Variants in BICDL1 observed in about 807,000 individuals in gnomAD.
The protein encoded by BICDL1 is BICD family-like cargo adapter 1.
A neutral mutation model predicts 76.8 loss-of-function variants in BICDL1; 20 were observed. The observed-to-expected ratio is 0.26, with a 90% CI of 0.18 to 0.38. The LOEUF is 0.38. Among genes scored for constraint, BICDL1 ranks in the 10% least tolerant of loss-of-function variants. The pLI is 1.00. For synonymous variants in BICDL1, 383 were observed against 337.1 expected, an observed-to-expected ratio of 1.14 and a Z score of -1.49; for missense variants, 700 against 798.6, an observed-to-expected ratio of 0.88 and a Z score of 1.49.
chr12:120,071,680 T>C lies in BICDL1; in HGVS notation c.968T>C (p.Val323Ala). 1 of 1,612,420 alleles carries C rather than the reference T, an allele frequency of 6.2e-7. No individual in the cohort carries two copies. The change falls in exon 5 of 10, where the codon GTG (valine) becomes GCG (alanine). Residue 323 changes from valine to alanine, a missense_variant. Val to Ala is a moderately conservative substitution (Grantham distance 64). This residue lies in a region of BICDL1 where 455 missense variants were observed against 548.7 expected (regional missense o/e 0.83). Coordinates refer to ENST00000548673, the MANE Select transcript of BICDL1 (RefSeq NM_001367886.1). This position sits in a 1 kb window ranked among gnomAD's most constrained non-coding sequence, Gnocchi z 4.8. ...EVRLSCRQLQ[V>A]KVEELTEERS... ...CGTCTCTCCTGCCGACAGCTGCAGG[T>C]GAAGGTGGAAGAACTCACTGAGGAG...
Position 119,989,771 on chromosome 12 carries a change from AGG to A in BICDL1, c.-97_-96del. 1 of 432,438 alleles carries A rather than the reference AGG, an allele frequency of 2.3e-6. No homozygotes were observed. Among genetic ancestry groups the A allele is most frequent in the Non-Finnish European group, 3.0e-6 (1 of 330,858 alleles). The allele number at this position is 432,438 out of a possible 1,614,324, so 26.8% of individuals were successfully genotyped here. On this transcript the variant is annotated 5_prime_UTR_variant, in exon 1 of 10. Coordinates refer to ENST00000548673, the MANE Select transcript of BICDL1 (RefSeq NM_001367886.1). ...GGGGCGCGTGCCGCGGCGCGAGGCGAGGCGCGGGACGCGGGGCGGCGCGGCAG... is the reference window on the plus strand; with the variant it reads ...GGGGCGCGTGCCGCGGCGCGAGGCGACGCGGGACGCGGGGCGGCGCGGCAG...
intron 2 of BICDL1, among the ~76,000 whole-genome samples, chr12:120,048,724 T>A (rs1458526594): frequency 6.6e-6 from 1 of 152,220 alleles, no homozygotes; most frequent in African/African-American, 2.4e-5. Flanking sequence ...TCTGACATCC[T>A]TGAAATCTAA....
Position 120,090,837 on chromosome 12 carries a change from C to T in BICDL1, c.1704+766C>T. On this transcript the variant is annotated intron_variant, in intron 9 of 9. Transcript: ENST00000548673. ...ACCGCAGGGTGCCCGTCCCTGGCTC[C>T]TTGGCTCCTGCATGGCAGCCAGCTG... 22 of 1,267,530 alleles carry T rather than the reference C, an allele frequency of 1.7e-5. No individual in the cohort carries two copies. In the South Asian group the frequency reaches 2.7e-4, roughly 16 times the overall value. The allele number at this position is 1,267,530 out of a possible 1,614,324, so 78.5% of individuals were successfully genotyped here.
intron 2 of BICDL1, among the ~76,000 whole-genome samples, chr12:120,057,909 C>T (rs866228232): frequency 1.8e-4 from 27 of 147,072 alleles, no homozygotes; most frequent in African/African-American, 6.6e-4. Context: ...CGGCACGCTG[C>T]AAGCTCCGCC....
At position 119,990,080 on chromosome 12, in the gene BICDL1, A is replaced by G; in HGVS notation, c.212A>G (p.Asp71Gly). ...ALLAAGERPS[D>G]PGEHPQAEPG... ...CTGGCGGCCGGGGAGCGGCCGTCCG[A>G]CCCCGGGGAACACCCTCAGGCCGAG... Residue 71 changes from aspartate to glycine, a missense_variant, in exon 1 of 10, where the codon GAC becomes GGC. This residue lies in a region of BICDL1 where 225 missense variants were observed against 199.6 expected (regional missense o/e 1.13). Transcript: ENST00000548673. The G allele has an allele frequency of 6.5e-7, 1 of 1,538,614 alleles. No individual in the cohort carries two copies. The highest frequency in any genetic ancestry group is 8.7e-7 in the Non-Finnish European group (1 of 1,143,392).
At chr12:119,994,785 G>GC (rs1313480336) in intron 1 of BICDL1, among the ~76,000 whole-genome samples, 4 of 152,198 alleles carry the variant, frequency 2.6e-5, no homozygotes, top group Admixed American at 2.6e-4. Context: ...ACTGCGCCCA[G>GC]CCATAGACTC....
At position 120,088,915 on chromosome 12, in the gene BICDL1, T is replaced by C. The variant is rs542934483; in HGVS notation, c.1584-1036T>C. ...TCCTGACCTCGTGATCCGCCCGCCT[T>C]GGCCTCCCAAAGTGCTGGAATTACA... On this transcript the variant is annotated intron_variant, in intron 8 of 9. Transcript: ENST00000548673. 1.0e-3 allele frequency among the ~76,000 whole-genome samples: 156 copies of C among 152,238 alleles called. 1 individual carries two copies. The highest frequency in any genetic ancestry group is 1.8e-3 in the Non-Finnish European group (121 of 68,006).
intron 8 of BICDL1, among the ~76,000 whole-genome samples, chr12:120,087,147 A>G (rs946386399): frequency 1.3e-5 from 2 of 152,256 alleles, no homozygotes; most frequent in Non-Finnish European, 2.9e-5. Flanking sequence ...AGGGGTGTCC[A>G]TGGCAACCGA....
intron 3 of BICDL1, 144 bp downstream of exon 3, chr12:120,061,970 T>C (rs1953115273): frequency 4.7e-6 from 3 of 634,250 alleles, no homozygotes; most frequent in Non-Finnish European, 8.4e-6. Context: ...GATCTGTTTC[T>C]CTGGGTAGCC....
chr12:119,989,290 C>A lies in BICDL1; in HGVS notation c.-579C>A, dbSNP rs1380104027. The stretch of plus-strand genomic sequence containing the variant: ...GCGATGTGGAGCCGCCGCCTCGGCC[C>A]CTGCAGCAGCAGCAGCCGCCGTCGC... On this transcript the variant is annotated 5_prime_UTR_variant, in exon 1 of 10. Transcript: ENST00000548673. Among the ~76,000 whole-genome samples, 3 of 143,710 alleles carry A rather than the reference C, an allele frequency of 2.1e-5. No homozygotes were observed. The highest frequency in any genetic ancestry group is 3.0e-5 in the Non-Finnish European group (2 of 66,460). The allele number at this position is 143,710 out of a possible 152,430, so 94.3% of individuals were successfully genotyped here. A position where few individuals can be genotyped will look rare whatever the true frequency, so the allele number is the denominator to read the frequency against.
intron 2 of BICDL1, among the ~76,000 whole-genome samples, chr12:119,999,062 GAAAA>G (rs10658480): frequency 0.013 from 1,264 of 95,248 alleles, 21 homozygotes; most frequent in East Asian, 0.059. Context: ...GCCTGTCTCG[GAAAA>G]AAAAAAAAAA....
intron 2 of BICDL1, among the ~76,000 whole-genome samples, chr12:120,008,950 T>G (rs1358423500): frequency 1.3e-5 from 2 of 151,832 alleles, no homozygotes; most frequent in African/African-American, 4.8e-5. Context: ...AGAGGTGTTT[T>G]TTTTTTTTTT....
At chr12:120,082,114 T>G (rs1480631611) in intron 8 of BICDL1, among the ~76,000 whole-genome samples, 1 of 152,198 alleles carries the variant, frequency 6.6e-6, no homozygotes, top group South Asian at 2.1e-4. Context: ...CTGTAACATC[T>G]CCTCTTTCTT....
intron 2 of BICDL1, among the ~76,000 whole-genome samples, chr12:120,028,377 A>G (rs1003120911): frequency 5.9e-5 from 9 of 152,178 alleles, no homozygotes; most frequent in Non-Finnish European, 1.2e-4. Flanking sequence ...GTTTCCAAAA[A>G]AAAAAAATAG....
intron 2 of BICDL1, among the ~76,000 whole-genome samples, chr12:120,023,384 C>T (rs1952221927): frequency 6.6e-6 from 1 of 152,124 alleles, no homozygotes; most frequent in South Asian, 2.1e-4. Flanking sequence ...CAAACTATAT[C>T]CAAGTAATTT....
At position 120,072,501 on chromosome 12, in the gene BICDL1, T is replaced by C; in HGVS notation, c.1090-10T>C. On this transcript the variant is annotated splice_polypyrimidine_tract_variant and intron_variant, in intron 5 of 9. Transcript: ENST00000548673. ...GAGTCTGAAATGAATAGTAATTCTC[T>C]GTGGAACAGCTGAGACTGCAGCTCT... 4 of 1,613,654 alleles carry C rather than the reference T, an allele frequency of 2.5e-6. No homozygotes were observed. Among genetic ancestry groups the C allele is most frequent in the Non-Finnish European group, 3.4e-6 (4 of 1,179,552 alleles).
At chr12:120,064,298 C>A (rs568392197) in intron 3 of BICDL1, among the ~76,000 whole-genome samples, 5 of 152,116 alleles carry the variant, frequency 3.3e-5, no homozygotes, top group Non-Finnish European at 7.4e-5. Flanking sequence ...GAAAACACGG[C>A]GCTCCAGAGG....
Position 120,056,443 on chromosome 12 carries a change from G to A in BICDL1, c.646-5267G>A, listed in dbSNP as rs145843931. On this transcript the variant is annotated intron_variant, in intron 2 of 9. Coordinates refer to ENST00000548673, the MANE Select transcript of BICDL1 (RefSeq NM_001367886.1). ...TCTGCTATAAGAATGAATTGAGGCCGGGCGCAGTGGCTCACGCCTGTAATC... is the reference window on the plus strand; with the variant it reads ...TCTGCTATAAGAATGAATTGAGGCCAGGCGCAGTGGCTCACGCCTGTAATC... Among the ~76,000 whole-genome samples, 208 of 152,202 alleles carry A rather than the reference G, an allele frequency of 1.4e-3. 1 individual carries two copies. Among genetic ancestry groups the A allele is most frequent in the Non-Finnish European group, 2.6e-3 (179 of 68,014 alleles).
chr12:120,070,187 A>G (rs998293342), intron 4 of BICDL1, among the ~76,000 whole-genome samples: 2 of 152,158 alleles, frequency 1.3e-5, no homozygotes, highest in African/African-American at 4.8e-5. Flanking sequence ...ATTTAACTTT[A>G]TTAGAAACTG....
Sources: gnomAD v4.1 joint callset for allele counts (sites outside exome capture counted in the v4.1 genomes callset) on GRCh38, gnomAD v4.1.1 for gene constraint, gnomAD v4.1.1 regional missense constraint, Gnocchi (gnomAD v3.1) non-coding constraint, MANE v1.5 for transcripts, NCBI Gene and HGNC (gene_info 2026-07-23, HGNC 2026-07-21) for gene names.